CACNG1: variants seen among roughly 807,000 people sequenced by gnomAD.
CACNG1 encodes the protein voltage-dependent calcium channel gamma-1 subunit.
CACNG1 carries 21 observed loss-of-function variants against 22.0 expected under a neutral mutation model. That is an observed-to-expected ratio of 0.95 (90% confidence interval 0.68 to 1.37). The LOEUF is 1.37. CACNG1 is among the 40% of genes most tolerant of loss of function. CACNG1 has a pLI of 0.00. For missense variants in CACNG1, 291 were observed against 308.6 expected, an observed-to-expected ratio of 0.94 and a Z score of 0.43; for synonymous variants, 127 against 129.2, an observed-to-expected ratio of 0.98 and a Z score of 0.12.
intron 1 of CACNG1, among the ~76,000 whole-genome samples, chr17:67,049,798 G>A: frequency 6.6e-6 from 1 of 152,212 alleles, no homozygotes; most frequent in East Asian, 1.9e-4. Context: ...ACATGGCATA[G>A]TTTGAGGGCA....
chr17:67,044,946 C>A lies in CACNG1; in HGVS notation c.229+57C>A. 1 of 1,449,780 alleles carries A rather than the reference C, an allele frequency of 6.9e-7. No homozygotes were observed. The highest frequency in any genetic ancestry group is 9.5e-7 in the Non-Finnish European group (1 of 1,053,514). 89.8% of individuals were successfully genotyped at this position (1,449,780 alleles called of 1,614,324 possible). ...CCTCCTGCTCTTCCCCGTCATCCCC[C>A]TGGCAAAGTTGCCCTTGCGAAGGAA... On this transcript the variant is annotated intron_variant, in intron 1 of 3. Coordinates refer to ENST00000226021, the MANE Select transcript of CACNG1 (RefSeq NM_000727.4). The surrounding 1 kb of genome is among the most constrained non-coding windows in gnomAD (Gnocchi z 6.9).
At chr17:67,045,524 C>CTTT (rs71367200) in intron 1 of CACNG1, among the ~76,000 whole-genome samples, 1,753 of 109,488 alleles carry the variant, frequency 0.016, 36 homozygotes, top group African/African-American at 0.053. Context: ...CCCCCACCTT[C>CTTT]TTTTTTTTTT....
At chr17:67,052,533 T>G (rs11079678) in intron 1 of CACNG1, among the ~76,000 whole-genome samples, 1 of 152,034 alleles carries the variant, frequency 6.6e-6, no homozygotes, top group Admixed American at 6.6e-5. Flanking sequence ...CTTATGAGCA[T>G]CTAAATGAAG....
At chr17:67,049,262 T>C (rs1329355077) in intron 1 of CACNG1, among the ~76,000 whole-genome samples, 3 of 152,114 alleles carry the variant, frequency 2.0e-5, no homozygotes, top group African/African-American at 7.2e-5. Flanking sequence ...TGGGATGACA[T>C]ACATATATTA....
At chr17:67,045,922 C>T (rs1198826400) in intron 1 of CACNG1, among the ~76,000 whole-genome samples, 3 of 152,210 alleles carry the variant, frequency 2.0e-5, no homozygotes, top group Admixed American at 6.5e-5. Flanking sequence ...GTAATTTAAG[C>T]GTATTCCTCG....
chr17:67,055,049 A>G lies in CACNG1; in HGVS notation c.305-54A>G. ...TGCATGGTGTGGTCCCTAACGAGCC[A>G]TGACAAGAGCTCCCATGCTGAGGCC... is the stretch of plus-strand genomic sequence containing the variant. On this transcript the variant is annotated intron_variant, in intron 2 of 3. Transcript: ENST00000226021. The surrounding 1 kb of genome is among the most constrained non-coding windows in gnomAD (Gnocchi z 4.5). The G allele has an allele frequency of 6.3e-7, 1 of 1,577,446 alleles. No homozygotes were observed. The highest frequency in any genetic ancestry group is 8.6e-7 in the Non-Finnish European group (1 of 1,156,700).
rs1382349744 is a variant in CACNG1 at position 67,055,541 on chromosome 17, G to A, written c.442+301G>A. On this transcript the variant is annotated intron_variant, in intron 3 of 3. Transcript: ENST00000226021. The surrounding 1 kb of genome is among the most constrained non-coding windows in gnomAD (Gnocchi z 4.5). ...TCACCTTTCTTTCTTTTTCTTGGGGGATGAGGAAGAGGGTCTCGCTCTGTC... is the reference window on the plus strand; with the variant it reads ...TCACCTTTCTTTCTTTTTCTTGGGGAATGAGGAAGAGGGTCTCGCTCTGTC... Among the ~76,000 whole-genome samples, 1 of 152,136 alleles carries A rather than the reference G, an allele frequency of 6.6e-6. No homozygotes were observed. Among genetic ancestry groups the A allele is most frequent in the African/African-American group, 2.4e-5 (1 of 41,416 alleles).
At position 67,054,982 on chromosome 17, in the gene CACNG1, C is replaced by T; in HGVS notation, c.305-121C>T. The stretch of plus-strand genomic sequence containing the variant: ...CAGACACAGAGACACACACTTGACA[C>T]ACACACAATGACACACACAGACACT... On this transcript the variant is annotated intron_variant, in intron 2 of 3. Transcript: ENST00000226021. This position sits in a 1 kb window ranked among gnomAD's most constrained non-coding sequence, Gnocchi z 4.6. 1.0e-6 allele frequency: 1 copy of T among 985,208 alleles called. No individual in the cohort carries two copies. The allele number at this position is 985,208 out of a possible 1,614,324, so 61.0% of individuals were successfully genotyped here. A position where few individuals can be genotyped will look rare whatever the true frequency, so the allele number is the denominator to read the frequency against.
intron 1 of CACNG1, among the ~76,000 whole-genome samples, chr17:67,046,888 T>G (rs2035700601): frequency 6.6e-6 from 1 of 152,206 alleles, no homozygotes; most frequent in Non-Finnish European, 1.5e-5. Flanking sequence ...CCTGACAGGA[T>G]CTACCTCTTT....
chr17:67,056,370 C>A lies in CACNG1; in HGVS notation c.*99C>A. The stretch of plus-strand genomic sequence containing the variant: ...GGAGGCGGGAGCAATTTTAGCCCCA[C>A]CCTGCTCCCATCTGCCCCCCTGCAA... On this transcript the variant is annotated 3_prime_UTR_variant, in exon 4 of 4. Transcript: ENST00000226021. The surrounding 1 kb of genome is among the most constrained non-coding windows in gnomAD (Gnocchi z 4.3). 9.7e-7 allele frequency: 1 copy of A among 1,028,262 alleles called. No individual in the cohort carries two copies. Among genetic ancestry groups the A allele is most frequent in the Non-Finnish European group, 1.5e-6 (1 of 685,750 alleles). 63.7% of individuals were successfully genotyped at this position (1,028,262 alleles called of 1,614,324 possible).
At chr17:67,053,918 A>C in intron 1 of CACNG1, 78 bp from the exon 2 acceptor site, 2 of 1,026,764 alleles carry the variant, frequency 1.9e-6, no homozygotes, top group East Asian at 4.8e-5. Flanking sequence ...GAGCAGAATG[A>C]CACCACGCTC....
rs904304298 is a variant in CACNG1 at position 67,054,366 on chromosome 17, G to C, written c.304+296G>C. Among the ~76,000 whole-genome samples, 3 of 152,278 alleles carry C rather than the reference G, an allele frequency of 2.0e-5. No individual in the cohort carries two copies. Among genetic ancestry groups the C allele is most frequent in the African/African-American group, 7.2e-5 (3 of 41,566 alleles). On this transcript the variant is annotated intron_variant, in intron 2 of 3. Coordinates refer to ENST00000226021, the MANE Select transcript of CACNG1 (RefSeq NM_000727.4). The surrounding 1 kb of genome is among the most constrained non-coding windows in gnomAD (Gnocchi z 4.6). ...CTGTTGTGACGGGAGGTGTGGATGT[G>C]GAACAAATGCTCAGAAGCCCCGTGG...
At position 67,054,033 on chromosome 17, in the gene CACNG1, C is replaced by T. The variant is rs777900825; in HGVS notation, c.267C>T (p.Gly89=). 32 of 1,613,968 alleles carry T rather than the reference C, an allele frequency of 2.0e-5. No homozygotes were observed. The highest frequency in any genetic ancestry group is 1.0e-4 in the Admixed American group (6 of 60,002). Reference sequence around the variant, plus strand: ...CCTACTTCAGGCATTTTAACCCCGGCGAGAGCTCGGAGATCTTCGAATTCA... The same window carrying T: ...CCTACTTCAGGCATTTTAACCCCGGTGAGAGCTCGGAGATCTTCGAATTCA... ...NCSYFRHFNP[G]ESSEIFEFTT... is the part of the protein sequence containing the mutation. Residue 89 remains glycine (G), a synonymous_variant, in exon 2 of 4, where the codon GGC becomes GGT. Coordinates refer to ENST00000226021, the MANE Select transcript of CACNG1 (RefSeq NM_000727.4). The surrounding 1 kb of genome is among the most constrained non-coding windows in gnomAD (Gnocchi z 4.6).
intron 1 of CACNG1, among the ~76,000 whole-genome samples, chr17:67,049,882 T>C (rs1173998816): frequency 6.6e-6 from 1 of 152,194 alleles, no homozygotes; most frequent in Non-Finnish European, 1.5e-5. Context: ...GGAGGCTCAG[T>C]GGGCAAGAGT....
chr17:67,056,263 G>C lies in CACNG1; in HGVS notation c.661G>C (p.Glu221Gln). Reference sequence around the variant, plus strand: ...GGAGTCCTGCATGGATGCTGAGCCCGAGCACTAACCCTCCTGCGGCCCTAG... The same window carrying C: ...GGAGTCCTGCATGGATGCTGAGCCCCAGCACTAACCCTCCTGCGGCCCTAG... ...PWESCMDAEP[E>Q]H The change falls in exon 4 of 4, where the codon GAG becomes CAG. Residue 221 changes from glutamate to glutamine, a missense_variant. Physicochemically the swap from Glu to Gln is conservative, Grantham distance 29. Coordinates refer to ENST00000226021, the MANE Select transcript of CACNG1 (RefSeq NM_000727.4). This position sits in a 1 kb window ranked among gnomAD's most constrained non-coding sequence, Gnocchi z 4.3. 6.2e-7 allele frequency: 1 copy of C among 1,613,724 alleles called. No homozygotes were observed. The highest frequency in any genetic ancestry group is 1.7e-4 in the Middle Eastern group (1 of 6,060).
Position 67,055,749 on chromosome 17 carries a change from A to G in CACNG1, c.443-296A>G, listed in dbSNP as rs1448366486. Among the ~76,000 whole-genome samples the G allele has an allele frequency of 6.6e-6, 1 of 152,004 alleles. No individual in the cohort carries two copies. Among genetic ancestry groups the G allele is most frequent in the East Asian group, 1.9e-4 (1 of 5,180 alleles). On this transcript the variant is annotated intron_variant, in intron 3 of 3. Coordinates refer to ENST00000226021, the MANE Select transcript of CACNG1 (RefSeq NM_000727.4). The surrounding 1 kb of genome is among the most constrained non-coding windows in gnomAD (Gnocchi z 4.5). ...ACGGAGGGCTCATCACTATGTTGCC[A>G]GGCTGGTCTCAAACTCCTGGCCTCA...
chr17:67,055,965 C>A lies in CACNG1; in HGVS notation c.443-80C>A. On this transcript the variant is annotated intron_variant, in intron 3 of 3. Coordinates refer to ENST00000226021, the MANE Select transcript of CACNG1 (RefSeq NM_000727.4). The surrounding 1 kb of genome is among the most constrained non-coding windows in gnomAD (Gnocchi z 4.5). ...CCCCAAGGCAAGGTCACCGCCTCCT[C>A]CATGCACACAGGCTGGGATGGGGCT... 1 of 1,181,490 alleles carries A rather than the reference C, an allele frequency of 8.5e-7. No individual in the cohort carries two copies. Among genetic ancestry groups the A allele is most frequent in the Non-Finnish European group, 1.2e-6 (1 of 812,568 alleles). The allele number at this position is 1,181,490 out of a possible 1,614,324, so 73.2% of individuals were successfully genotyped here. A position where few individuals can be genotyped will look rare whatever the true frequency, so the allele number is the denominator to read the frequency against.
intron 1 of CACNG1, among the ~76,000 whole-genome samples, chr17:67,046,461 C>T (rs867540584): frequency 4.6e-5 from 7 of 152,248 alleles, no homozygotes; most frequent in Middle Eastern, 3.4e-3. Flanking sequence ...TCCAGAGATC[C>T]CCTCCCTTGT....
chr17:67,047,647 G>A (rs1051980369), intron 1 of CACNG1, among the ~76,000 whole-genome samples: 1 of 152,164 alleles, frequency 6.6e-6, no homozygotes, highest in African/African-American at 2.4e-5. Flanking sequence ...TCTCCCTGGG[G>A]ATGTTTGTTG....
Sources: allele counts gnomAD v4.1 joint callset (sites outside exome capture counted in the v4.1 genomes callset), GRCh38; gene constraint gnomAD v4.1.1; non-coding constraint Gnocchi (gnomAD v3.1); transcripts MANE v1.5; gene names NCBI Gene and HGNC (gene_info 2026-07-23, HGNC 2026-07-21).